The following ANXA6 variants were observed in gnomAD, a reference collection of about 807,000 sequenced individuals.
The protein encoded by ANXA6 is annexin A6, also known as 67 kDa calelectrin.
ANXA6 carries 71 observed loss-of-function variants against 95.4 expected under a neutral mutation model. The ratio of observed to expected loss-of-function variants is 0.74; its 90% CI spans 0.61 to 0.91. ANXA6 has a LOEUF of 0.91. ANXA6 is among the 40% of genes least tolerant of loss of function. ANXA6 has a pLI of 0.00. For missense variants in ANXA6, 830 were observed against 876.4 expected, an observed-to-expected ratio of 0.95 and a Z score of 0.67; for synonymous variants, 289 against 315.9, an observed-to-expected ratio of 0.91 and a Z score of 0.90.
At chr5:151,140,295 C>G (rs1042793023) in intron 2 of ANXA6, 52 bp from the exon 3 acceptor site, 2 of 1,514,232 alleles carry the variant, frequency 1.3e-6, no homozygotes, top group Non-Finnish European at 1.8e-6. Context: ...TGAGACCAAG[C>G]TCCCAGCCCC....
Position 151,109,762 on chromosome 5 carries a change from G to A in ANXA6, c.1675C>T (p.Leu559Phe). Reference sequence around the variant, plus strand: ...GGAGGTCAGGCCTCACCTCTCCGGAGGTGCGGATAGCTCCGGGTACACAGG... The same window carrying A: ...GGAGGTCAGGCCTCACCTCTCCGGAAGTGCGGATAGCTCCGGGTACACAGG... ...TILCTRSYPH[L>F]RRVFQEFIKM... The change falls in exon 22 of 26, where the codon CTC becomes TTC. Residue 559 changes from leucine (L) to phenylalanine (F), a missense_variant. Physicochemically the swap from Leu to Phe is conservative, Grantham distance 22. Coordinates refer to ENST00000354546, the MANE Select transcript of ANXA6 (RefSeq NM_001155.5). The A allele has an allele frequency of 6.2e-7, 1 of 1,609,564 alleles. No individual in the cohort carries two copies. The highest frequency in any genetic ancestry group is 8.5e-7 in the Non-Finnish European group (1 of 1,177,748).
intron 1 of ANXA6, 81 bp from the exon 2 acceptor site, chr5:151,148,007 C>T: frequency 7.2e-7 from 1 of 1,379,898 alleles, no homozygotes; most frequent in Non-Finnish European, 1.0e-6. Flanking sequence ...CCTCCCTCTG[C>T]TGTTTTCCAG....
intron 23 of ANXA6, among the ~76,000 whole-genome samples, chr5:151,108,152 G>A (rs1024375385): frequency 6.6e-6 from 1 of 151,886 alleles, no homozygotes; most frequent in East Asian, 1.9e-4. Context: ...TGTGTGTCAA[G>A]TGTGTGTGTG....
rs779791917 is a variant in ANXA6, at chr5:151,137,219, T to C, written c.409+12A>G. On this transcript the variant is annotated intron_variant, in intron 6 of 25. Coordinates refer to ENST00000354546, the MANE Select transcript of ANXA6 (RefSeq NM_001155.5). Reference sequence around the variant, plus strand: ...TCTGAAGATCCTAAGCGGCCCCTCCTGCCCATCTCACCATCTTTGTATGCT... The same window carrying C: ...TCTGAAGATCCTAAGCGGCCCCTCCCGCCCATCTCACCATCTTTGTATGCT... The C allele has an allele frequency of 6.2e-7, 1 of 1,612,708 alleles. No individual in the cohort carries two copies. The highest frequency in any genetic ancestry group is 1.1e-5 in the South Asian group (1 of 90,914).
At chr5:151,124,033 C>T (rs1447428865) in intron 15 of ANXA6, among the ~76,000 whole-genome samples, 1 of 152,204 alleles carries the variant, frequency 6.6e-6, no homozygotes. Context: ...TTCTTCAGTG[C>T]CAGGATACTG....
At chr5:151,111,246 A>G (rs1465584107) in intron 20 of ANXA6, among the ~76,000 whole-genome samples, 1 of 152,220 alleles carries the variant, frequency 6.6e-6, no homozygotes, top group African/African-American at 2.4e-5. Context: ...TGCAGAGCAC[A>G]AAATTCTGTG....
intron 1 of ANXA6, chr5:151,155,218 G>A (rs938345218): frequency 2.0e-5 from 3 of 152,152 alleles, no homozygotes; most frequent in African/African-American, 7.2e-5. Flanking sequence ...AAATTTAAGG[G>A]TTCGAGAGGT....
At position 151,128,140 on chromosome 5, in the gene ANXA6, C is replaced by T. The variant is rs371129344; in HGVS notation, c.977+41G>A. On this transcript the variant is annotated intron_variant, in intron 13 of 25. Transcript: ENST00000354546. Reference sequence around the variant, plus strand: ...CCAGGAGAGTCCCCGCCTGGCACCCCAAGGCCATGCCCTCCAGCCAGGGGC... The same window carrying T: ...CCAGGAGAGTCCCCGCCTGGCACCCTAAGGCCATGCCCTCCAGCCAGGGGC... 4,013 of 1,580,926 alleles carry T rather than the reference C, an allele frequency of 2.5e-3. 8 individuals carry two copies. The highest frequency in any genetic ancestry group is 3.1e-3 in the Non-Finnish European group (3,552 of 1,156,402).
At chr5:151,140,279 C>T (rs773140883) in intron 2 of ANXA6, 36 bp from the exon 3 acceptor site, 6 of 1,588,612 alleles carry the variant, frequency 3.8e-6, no homozygotes, top group Non-Finnish European at 3.4e-6. Context: ...GCTGCCAACC[C>T]CGGACTGAGA....
At chr5:151,113,263 G>T (rs990238035) in intron 20 of ANXA6, among the ~76,000 whole-genome samples, 1 of 152,134 alleles carries the variant, frequency 6.6e-6, no homozygotes, top group African/African-American at 2.4e-5. Flanking sequence ...TTAGCCGGGT[G>T]TGGTGGCAGG....
At chr5:151,135,434 A>G (rs1765631221) in intron 7 of ANXA6, among the ~76,000 whole-genome samples, 1 of 152,202 alleles carries the variant, frequency 6.6e-6, no homozygotes, top group Non-Finnish European at 1.5e-5. Flanking sequence ...TATGGCAATG[A>G]GAGGAACAGA....
At chr5:151,103,123 A>G (rs2113887634) in intron 25 of ANXA6, among the ~76,000 whole-genome samples, 1 of 152,218 alleles carries the variant, frequency 6.6e-6, no homozygotes, top group South Asian at 2.1e-4. Context: ...CAGCCTCCTG[A>G]GTAGCTGGGA....
chr5:151,111,385 A>G (rs1307218670), intron 20 of ANXA6, among the ~76,000 whole-genome samples: 1 of 152,186 alleles, frequency 6.6e-6, no homozygotes, highest in Non-Finnish European at 1.5e-5. Flanking sequence ...ACTTTATTCT[A>G]TTGGATAGAC....
chr5:151,118,980 G>A (rs1186185697), intron 18 of ANXA6, among the ~76,000 whole-genome samples: 1 of 152,186 alleles, frequency 6.6e-6, no homozygotes, highest in Non-Finnish European at 1.5e-5. Flanking sequence ...AACCAAGTGT[G>A]GGGCCCTTCT....
chr5:151,140,086 G>A (rs1454717441), intron 3 of ANXA6, 67 bp downstream of exon 3: 8 of 1,449,384 alleles, frequency 5.5e-6, no homozygotes, highest in Non-Finnish European at 7.6e-6. Flanking sequence ...ACCACCACCA[G>A]AAGGGCTCTG....
chr5:151,129,725 GTTTC>G (rs1765441351), intron 11 of ANXA6, among the ~76,000 whole-genome samples, 196 bp from the exon 12 acceptor site: 1 of 152,058 alleles, frequency 6.6e-6, no homozygotes, highest in Admixed American at 6.5e-5. Flanking sequence ...TTGTTTGTTT[GTTTC>G]TGAGACAGTG....
At chr5:151,143,056 TTGAGAACCACAAGC>T (rs574046227) in intron 2 of ANXA6, among the ~76,000 whole-genome samples, 1,558 of 152,292 alleles carry the variant, frequency 0.01, 32 homozygotes, top group African/African-American at 0.035. Flanking sequence ...GGAAAGGACT[TTGAGAACCACAAGC>T]TGAGAACTAA....
chr5:151,143,681 G>A (rs762680239), intron 2 of ANXA6, among the ~76,000 whole-genome samples: 11 of 152,132 alleles, frequency 7.2e-5, no homozygotes, highest in Admixed American at 3.3e-4. Context: ...TCGAAGTTCC[G>A]GGAGGGCAGG....
intron 23 of ANXA6, 32 bp downstream of exon 23, chr5:151,108,423 C>T (rs1416782044): frequency 6.3e-7 from 1 of 1,584,728 alleles, no homozygotes; most frequent in South Asian, 1.1e-5. Flanking sequence ...TTCCCAGTGC[C>T]CCCAGCCCTT....
Sources: allele counts gnomAD v4.1 joint callset (sites outside exome capture counted in the v4.1 genomes callset), GRCh38; gene constraint gnomAD v4.1.1; transcripts MANE v1.5; gene names NCBI Gene and HGNC (gene_info 2026-07-23, HGNC 2026-07-21).